RIMBP2: variants seen among roughly 807,000 people sequenced by gnomAD.
RIMBP2 encodes RIMS-binding protein 2.
RIMBP2 carries 48 observed loss-of-function variants against 118.6 expected under a neutral mutation model. The observed-to-expected ratio is 0.40, with a 90% CI of 0.32 to 0.51. The LOEUF (loss-of-function observed/expected upper bound fraction) is 0.51. Among genes scored for constraint, RIMBP2 ranks in the 20% least tolerant of loss-of-function variants. The probability of loss-of-function intolerance (pLI) is 0.41; values close to 1 mark genes in which losing one functional copy is unlikely to be tolerated. For missense variants in RIMBP2, 1,551 were observed against 1,768.3 expected (o/e 0.88, Z 2.20); for synonymous variants, 762 against 742.9 (o/e 1.03, Z -0.42).
intron 17 of RIMBP2, among the ~76,000 whole-genome samples, chr12:130,421,807 T>C (rs977613354): frequency 1.3e-5 from 2 of 152,138 alleles, no homozygotes; most frequent in Non-Finnish European, 2.9e-5. Context: ...CTCCTTGCCA[T>C]GATTGATTCC....
At chr12:130,449,923 C>T (rs2078857099) in intron 9 of RIMBP2, among the ~76,000 whole-genome samples, 1 of 152,100 alleles carries the variant, frequency 6.6e-6, no homozygotes. Flanking sequence ...TGCCGATACC[C>T]CCATCTCAAA....
chr12:130,470,686 T>C lies in RIMBP2; in HGVS notation c.153+7A>G. On this transcript the variant is annotated splice_region_variant and intron_variant, in intron 6 of 22. Transcript: ENST00000690449. ...CCCCGGGCAGAAAGCAGGGGCACGC[T>C]CCTTACCTCTAGCAGCCGCACTGCG... The C allele has an allele frequency of 8.1e-7, 1 of 1,231,880 alleles. No individual in the cohort carries two copies. The highest frequency in any genetic ancestry group is 1.0e-6 in the Non-Finnish European group (1 of 987,772). The allele number at this position is 1,231,880 out of a possible 1,614,324, so 76.3% of individuals were successfully genotyped here. A position where few individuals can be genotyped will look rare whatever the true frequency, so the allele number is the denominator to read the frequency against.
At chr12:130,489,193 C>A (rs1321347528) in intron 4 of RIMBP2, among the ~76,000 whole-genome samples, 1 of 152,190 alleles carries the variant, frequency 6.6e-6, no homozygotes, top group Non-Finnish European at 1.5e-5. Flanking sequence ...ATAATGGAAA[C>A]AACTGGTAGA....
chr12:130,571,098 C>T (rs1177312469), intron 2 of RIMBP2, among the ~76,000 whole-genome samples: 1 of 151,126 alleles, frequency 6.6e-6, no homozygotes, highest in Non-Finnish European at 1.5e-5. Flanking sequence ...AGGGAAGGGG[C>T]TAATCCATGG....
At chr12:130,506,879 C>T (rs1468236972) in intron 3 of RIMBP2, 109 bp from the exon 4 acceptor site, 2 of 814,016 alleles carry the variant, frequency 2.5e-6, no homozygotes, top group African/African-American at 3.7e-5. Flanking sequence ...CTAGAGAATC[C>T]TTCCCTCCCT....
intron 1 of RIMBP2, among the ~76,000 whole-genome samples, chr12:130,686,414 G>A (rs543492189): frequency 3.5e-4 from 54 of 152,316 alleles, no homozygotes; most frequent in African/African-American, 1.2e-3. Context: ...TGAGAAGCGC[G>A]GCCCAGACAG....
At chr12:130,423,686 T>C (rs2076568868) in intron 16 of RIMBP2, among the ~76,000 whole-genome samples, 1 of 136,264 alleles carries the variant, frequency 7.3e-6, no homozygotes, top group East Asian at 2.0e-4. Context: ...ATAGATTTCT[T>C]CAATCTTTTT....
chr12:130,455,523 C>T (rs1566069150), intron 7 of RIMBP2, among the ~76,000 whole-genome samples: 1 of 152,236 alleles, frequency 6.6e-6, no homozygotes, highest in Non-Finnish European at 1.5e-5. Context: ...ACAGCCACGA[C>T]CACTTACCCC....
At chr12:130,529,371 T>A (rs988544544) in intron 2 of RIMBP2, among the ~76,000 whole-genome samples, 6 of 152,014 alleles carry the variant, frequency 3.9e-5, no homozygotes, top group Non-Finnish European at 7.4e-5. Context: ...CAGACACAAA[T>A]GTTCACATGT....
At chr12:130,583,392 A>G (rs545163101) in intron 2 of RIMBP2, among the ~76,000 whole-genome samples, 51 of 132,628 alleles carry the variant, frequency 3.8e-4, no homozygotes, top group Admixed American at 3.5e-3. Context: ...CATCACCACC[A>G]TCACCTCATC....
intron 16 of RIMBP2, among the ~76,000 whole-genome samples, chr12:130,423,656 C>CAA (rs36000671): frequency 8.0e-5 from 4 of 50,126 alleles, no homozygotes; most frequent in Non-Finnish European, 1.4e-4. Flanking sequence ...AAACAATATG[C>CAA]AAAAAAAAAA....
intron 3 of RIMBP2, among the ~76,000 whole-genome samples, chr12:130,515,053 T>A (rs983706653): frequency 6.6e-6 from 1 of 152,100 alleles, no homozygotes; most frequent in African/African-American, 2.4e-5. Flanking sequence ...ATTTTTTGTA[T>A]TTTTAGTAGA....
intron 7 of RIMBP2, among the ~76,000 whole-genome samples, chr12:130,453,588 C>T (rs1160081842): frequency 1.3e-5 from 2 of 152,264 alleles, no homozygotes; most frequent in East Asian, 3.8e-4. Flanking sequence ...CACAGAGATA[C>T]AAACATGGCA....
At chr12:130,563,535 G>A (rs1340688120) in intron 2 of RIMBP2, among the ~76,000 whole-genome samples, 2 of 152,206 alleles carry the variant, frequency 1.3e-5, no homozygotes, top group East Asian at 3.8e-4. Context: ...GTATGAAAAC[G>A]GTGACTCATC....
chr12:130,645,043 G>T (rs2141049730), intron 1 of RIMBP2, among the ~76,000 whole-genome samples: 1 of 152,274 alleles, frequency 6.6e-6, no homozygotes, highest in East Asian at 1.9e-4. Flanking sequence ...GAAATCAGTT[G>T]TGGTTGGAGT....
intron 4 of RIMBP2, among the ~76,000 whole-genome samples, chr12:130,504,943 G>A (rs1440110668): frequency 2.6e-5 from 4 of 152,158 alleles, no homozygotes; most frequent in African/African-American, 9.7e-5. Context: ...CATCTTTCAT[G>A]GCTTTTTAAT....
chr12:130,612,672 A>G (rs1426049929), intron 2 of RIMBP2, among the ~76,000 whole-genome samples: 1 of 152,206 alleles, frequency 6.6e-6, no homozygotes, highest in Non-Finnish European at 1.5e-5. Flanking sequence ...AACGGGAGAA[A>G]CCTGGAGGAG....
intron 2 of RIMBP2, among the ~76,000 whole-genome samples, chr12:130,529,177 C>T (rs1285947980): frequency 6.6e-6 from 1 of 152,148 alleles, no homozygotes; most frequent in East Asian, 1.9e-4. Context: ...AAATGACATG[C>T]TGATTCATGC....
chr12:130,502,265 T>C (rs531372044), intron 4 of RIMBP2, among the ~76,000 whole-genome samples: 8 of 152,206 alleles, frequency 5.3e-5, no homozygotes, highest in African/African-American at 1.9e-4. Context: ...TTGGGAGCAA[T>C]GATGGACTGT....
Sources: allele counts gnomAD v4.1 joint callset (sites outside exome capture counted in the v4.1 genomes callset), GRCh38; gene constraint gnomAD v4.1.1; transcripts MANE v1.5; gene names NCBI Gene and HGNC (gene_info 2026-07-23, HGNC 2026-07-21).